DCC: variants seen among roughly 807,000 people sequenced by gnomAD.
DCC encodes the protein netrin receptor DCC.
A neutral mutation model predicts 172.5 loss-of-function variants in DCC; 58 were observed. That is an observed-to-expected ratio of 0.34 (90% CI 0.27 to 0.42). DCC has a LOEUF of 0.42. DCC is among the 10% of genes least tolerant of loss of function. DCC has a pLI of 1.00. For synonymous variants in DCC, 709 were observed against 644.5 expected (o/e 1.10, Z -1.52); for missense variants, 1,740 against 1,791.0 (o/e 0.97, Z 0.51).
intron 12 of DCC, among the ~76,000 whole-genome samples, chr18:53,218,688 A>G (rs1208108729): frequency 6.6e-6 from 1 of 152,172 alleles, no homozygotes; most frequent in Non-Finnish European, 1.5e-5. Flanking sequence ...AAATTTTGTT[A>G]CAAGAAATAG....
chr18:52,768,553 T>G (rs2062339751), intron 2 of DCC, among the ~76,000 whole-genome samples: 1 of 152,208 alleles, frequency 6.6e-6, no homozygotes, highest in African/African-American at 2.4e-5. Flanking sequence ...GACAAAAACC[T>G]GACTGATTGC....
chr18:52,556,645 G>A (rs1344885144), intron 1 of DCC, among the ~76,000 whole-genome samples: 1 of 152,040 alleles, frequency 6.6e-6, no homozygotes, highest in Non-Finnish European at 1.5e-5. Flanking sequence ...AATGAGACAT[G>A]TAACGTATGT....
chr18:52,880,481 C>T (rs953427752), intron 2 of DCC, among the ~76,000 whole-genome samples: 8 of 152,048 alleles, frequency 5.3e-5, no homozygotes, highest in Non-Finnish European at 1.0e-4. Context: ...TTTTGTATCC[C>T]GTAACCATCC....
At chr18:52,610,201 A>G (rs1486656381) in intron 1 of DCC, among the ~76,000 whole-genome samples, 6 of 55,274 alleles carry the variant, frequency 1.1e-4, no homozygotes, top group African/African-American at 4.9e-4. Context: ...ATATATATAT[A>G]TATATATATA....
At chr18:52,432,548 T>C (rs937965959) in intron 1 of DCC, among the ~76,000 whole-genome samples, 4 of 152,142 alleles carry the variant, frequency 2.6e-5, no homozygotes, top group Non-Finnish European at 5.9e-5. Flanking sequence ...GAAAAACAAA[T>C]AATATCAGAC....
At chr18:53,459,134 T>A in intron 23 of DCC, 98 bp from the exon 24 acceptor site, 1 of 1,022,144 alleles carries the variant, frequency 9.8e-7, no homozygotes. Flanking sequence ...CGAGTCCTTT[T>A]GTTTCCTTTC....
chr18:53,366,584 G>T (rs1312201890), intron 15 of DCC, among the ~76,000 whole-genome samples: 1 of 152,118 alleles, frequency 6.6e-6, no homozygotes, highest in Non-Finnish European at 1.5e-5. Flanking sequence ...CAGTTTTCAG[G>T]TTCTGAAACA....
In DCC at chr18:53,331,236, C is replaced by T. The variant is rs1292272562; in HGVS notation, c.2165-8477C>T. Among the ~76,000 whole-genome samples, 4 of 152,172 alleles carry T rather than the reference C, an allele frequency of 2.6e-5. No homozygotes were observed. In the East Asian group the frequency reaches 7.7e-4, roughly 29 times the overall value. ...GTGTTTTTGTTTGTTTGTTCTGAGA[C>T]AAACCAATAGGTCTGTAGTTTTGAG... On this transcript the variant is annotated intron_variant, in intron 14 of 28. Transcript: ENST00000442544.
intron 12 of DCC, among the ~76,000 whole-genome samples, chr18:53,265,405 C>T (rs1414451903): frequency 6.6e-6 from 1 of 152,180 alleles, no homozygotes; most frequent in Non-Finnish European, 1.5e-5. Context: ...TGGAGAAACA[C>T]TCCATGTATA....
intron 1 of DCC, among the ~76,000 whole-genome samples, chr18:52,485,167 C>CTG (rs2030155729): frequency 6.6e-6 from 1 of 151,998 alleles, no homozygotes; most frequent in Non-Finnish European, 1.5e-5. Context: ...TCGAACTGGA[C>CTG]TGTGTATGGT....
At chr18:52,856,157 T>C (rs917048978) in intron 2 of DCC, among the ~76,000 whole-genome samples, 2 of 152,208 alleles carry the variant, frequency 1.3e-5, no homozygotes, top group Non-Finnish European at 2.9e-5. Flanking sequence ...TTTAAATAAT[T>C]TAAGTCAATG....
At chr18:53,149,720 A>G (rs2043970626) in intron 7 of DCC, among the ~76,000 whole-genome samples, 1 of 152,240 alleles carries the variant, frequency 6.6e-6, no homozygotes, top group African/African-American at 2.4e-5. Flanking sequence ...TTATCAGATA[A>G]TATTTTTCTC....
chr18:53,381,628 C>T (rs1389745603), intron 15 of DCC, among the ~76,000 whole-genome samples: 1 of 124,618 alleles, frequency 8.0e-6, no homozygotes, highest in Admixed American at 1.0e-4. Flanking sequence ...TAAAGGTTGA[C>T]GGCTTGACTA....
chr18:53,162,169 C>T (rs562032692), intron 8 of DCC, among the ~76,000 whole-genome samples: 99 of 151,870 alleles, frequency 6.5e-4, no homozygotes, highest in African/African-American at 2.3e-3. Context: ...CGTGGTGGCA[C>T]GCACCTGTAA....
intron 27 of DCC, among the ~76,000 whole-genome samples, chr18:53,511,563 T>G (rs1021225449): frequency 6.6e-6 from 1 of 152,124 alleles, no homozygotes; most frequent in Non-Finnish European, 1.5e-5. Flanking sequence ...TTCATCTCAC[T>G]AGGGAGTGCC....
chr18:52,891,289 C>T (rs1358900038), intron 2 of DCC, among the ~76,000 whole-genome samples: 3 of 151,956 alleles, frequency 2.0e-5, no homozygotes, highest in Non-Finnish European at 4.4e-5. Flanking sequence ...TCCCTTAGGG[C>T]AATGATGGGG....
intron 7 of DCC, among the ~76,000 whole-genome samples, chr18:53,079,935 C>T (rs2042775580): frequency 6.6e-6 from 1 of 152,034 alleles, no homozygotes; most frequent in African/African-American, 2.4e-5. Context: ...TTAGAATATA[C>T]AAAGAAAATT....
At chr18:52,668,274 A>G (rs2035490809) in intron 1 of DCC, among the ~76,000 whole-genome samples, 1 of 152,176 alleles carries the variant, frequency 6.6e-6, no homozygotes, top group Non-Finnish European at 1.5e-5. Context: ...TTTATTTTCA[A>G]TATATTCAAA....
chr18:53,364,690 G>A (rs1222893176), intron 15 of DCC, among the ~76,000 whole-genome samples: 1 of 151,974 alleles, frequency 6.6e-6, no homozygotes, highest in Admixed American at 6.6e-5. Context: ...TTTCATACAT[G>A]TATAAATGAA....
Sources: allele counts gnomAD v4.1 joint callset (sites outside exome capture counted in the v4.1 genomes callset), GRCh38; gene constraint gnomAD v4.1.1; transcripts MANE v1.5; gene names NCBI Gene and HGNC (gene_info 2026-07-23, HGNC 2026-07-21).